FAM110B: variants seen among roughly 807,000 people sequenced by gnomAD.
FAM110B encodes the protein protein FAM110B.
In FAM110B, 6 loss-of-function variants were observed where a neutral mutation model predicts 20.4. The observed-to-expected ratio is 0.29, with a 90% CI of 0.16 to 0.58. FAM110B has a LOEUF of 0.58. FAM110B is among the 20% of genes least tolerant of loss of function. The probability of loss-of-function intolerance (pLI) is 0.90; values close to 1 mark genes in which losing one functional copy is unlikely to be tolerated. For missense variants in FAM110B, 434 were observed against 498.2 expected, an observed-to-expected ratio of 0.87 and a Z score of 1.23; for synonymous variants, 226 against 214.1, an observed-to-expected ratio of 1.06 and a Z score of -0.49.
chr8:58,065,832 G>A (rs549828872), intron 2 of FAM110B, among the ~76,000 whole-genome samples: 68 of 152,238 alleles, frequency 4.5e-4, no homozygotes, highest in Non-Finnish European at 9.4e-4. Flanking sequence ...GATACTATAT[G>A]TGACGTTTCC....
intron 3 of FAM110B, among the ~76,000 whole-genome samples, chr8:58,117,060 C>T (rs1807231785): frequency 6.6e-6 from 1 of 152,148 alleles, no homozygotes; most frequent in Non-Finnish European, 1.5e-5. Context: ...AGCAAAGAGC[C>T]TCTATTGTGG....
chr8:58,089,139 G>T (rs1806410536), intron 3 of FAM110B, among the ~76,000 whole-genome samples: 1 of 152,158 alleles, frequency 6.6e-6, no homozygotes, highest in African/African-American at 2.4e-5. Flanking sequence ...GCACATTTTT[G>T]CATCAGCCAC....
rs1803856964 is a variant in FAM110B, at chr8:58,146,136, C to A, written c.-95C>A. ...GACACTCGCTCCCAGGCTGCACCCG[C>A]CGCCCTTGGCGCTTCATGTACATGT... On this transcript the variant is annotated 5_prime_UTR_variant, in exon 4 of 4. Coordinates refer to ENST00000519262, the MANE Select transcript of FAM110B (RefSeq NM_001377989.1). 1 of 1,439,086 alleles carries A rather than the reference C, an allele frequency of 6.9e-7. No homozygotes were observed. Among genetic ancestry groups the A allele is most frequent in the Admixed American group, 2.5e-5 (1 of 39,584 alleles). The allele number at this position is 1,439,086 out of a possible 1,614,324, so 89.1% of individuals were successfully genotyped here.
rs1346585043 is a variant in FAM110B, at chr8:58,131,253, G to T, written c.-324-14654G>T. ...GTATCAATGCATTTTTCTTTCTGTT[G>T]TGTCATTCCCAACATGCTGCCTTTT... On this transcript the variant is annotated intron_variant, in intron 3 of 3. Coordinates refer to ENST00000519262, the MANE Select transcript of FAM110B (RefSeq NM_001377989.1). Among the ~76,000 whole-genome samples, 3 of 151,988 alleles carry T rather than the reference G, an allele frequency of 2.0e-5. No individual in the cohort carries two copies. In the South Asian group the frequency reaches 6.2e-4, roughly 31 times the overall value.
chr8:58,095,334 G>T (rs1806596159), intron 3 of FAM110B, among the ~76,000 whole-genome samples: 1 of 152,054 alleles, frequency 6.6e-6, no homozygotes, highest in African/African-American at 2.4e-5. Flanking sequence ...TGATGTTAGG[G>T]TGTCGATTTT....
intron 3 of FAM110B, among the ~76,000 whole-genome samples, chr8:58,080,972 T>C (rs1806175233): frequency 6.6e-6 from 1 of 152,164 alleles, no homozygotes; most frequent in Non-Finnish European, 1.5e-5. Context: ...CAGCTTTCAC[T>C]CACCATGACA....
intron 3 of FAM110B, among the ~76,000 whole-genome samples, chr8:58,087,257 C>T (rs1185789047): frequency 2.6e-5 from 4 of 152,150 alleles, no homozygotes; most frequent in South Asian, 2.1e-4. Flanking sequence ...CAGCGCTGTG[C>T]GTCACCTTCT....
chr8:58,148,166 GTT>G lies in FAM110B; in HGVS notation c.*842_*843del, dbSNP rs377258015. On this transcript the variant is annotated 3_prime_UTR_variant, in exon 4 of 4. Transcript: ENST00000519262. The stretch of plus-strand genomic sequence containing the variant: ...AAAAAAAAAAAAGTTGTGGTTTTTT[GTT>G]TTTTTTTTTTTTTTTTTTGGTCGAG... 8.3e-4 allele frequency: 79 copies of G among 95,420 alleles called. No individual in the cohort carries two copies. The highest frequency in any genetic ancestry group is 3.4e-3 in the African/African-American group (73 of 21,396). 5.9% of individuals were successfully genotyped at this position (95,420 alleles called of 1,614,324 possible). A position where few individuals can be genotyped will look rare whatever the true frequency, so the allele number is the denominator to read the frequency against.
intron 2 of FAM110B, among the ~76,000 whole-genome samples, chr8:58,038,576 A>T (rs1475865838): frequency 1.3e-5 from 2 of 152,158 alleles, no homozygotes; most frequent in African/African-American, 4.8e-5. Context: ...ACATGGTGAA[A>T]CCCCATCTCT....
chr8:58,121,466 T>C (rs1807359731), intron 3 of FAM110B, among the ~76,000 whole-genome samples: 2 of 152,220 alleles, frequency 1.3e-5, no homozygotes, highest in Non-Finnish European at 2.9e-5. Flanking sequence ...GGAAAACCTG[T>C]AGGAATGTTT....
At chr8:58,133,652 G>A (rs1803541899) in intron 3 of FAM110B, among the ~76,000 whole-genome samples, 1 of 152,242 alleles carries the variant, frequency 6.6e-6, no homozygotes, top group Non-Finnish European at 1.5e-5. Context: ...GCAGGCATCA[G>A]AGAGCCTGGG....
chr8:58,014,891 T>G (rs961794910), intron 1 of FAM110B, among the ~76,000 whole-genome samples: 3 of 152,236 alleles, frequency 2.0e-5, no homozygotes, highest in African/African-American at 7.2e-5. Context: ...GTGTAGTGAT[T>G]ATTAGAAATT....
intron 3 of FAM110B, among the ~76,000 whole-genome samples, chr8:58,133,388 G>C (rs1803532138): frequency 6.6e-6 from 1 of 152,084 alleles, no homozygotes; most frequent in African/African-American, 2.4e-5. Context: ...AAACTCTGCT[G>C]TCCGCCAGTA....
intron 2 of FAM110B, among the ~76,000 whole-genome samples, chr8:58,061,234 A>G (rs1248286331): frequency 2.0e-5 from 3 of 152,184 alleles, no homozygotes; most frequent in Non-Finnish European, 4.4e-5. Flanking sequence ...AATACCATCA[A>G]GCTATCAGGT....
intron 3 of FAM110B, among the ~76,000 whole-genome samples, chr8:58,135,943 G>A (rs896232739): frequency 2.7e-5 from 4 of 150,908 alleles, no homozygotes; most frequent in Non-Finnish European, 5.9e-5. Context: ...TGGAAGGTGT[G>A]CCTGGTTCAC....
intron 3 of FAM110B, among the ~76,000 whole-genome samples, chr8:58,124,422 A>C (rs1471646675): frequency 3.3e-5 from 5 of 152,216 alleles, no homozygotes; most frequent in Non-Finnish European, 7.3e-5. Context: ...AGCCAAACAG[A>C]TGGAACAGCC....
chr8:58,054,323 A>G (rs1805511541), intron 2 of FAM110B, among the ~76,000 whole-genome samples: 2 of 152,192 alleles, frequency 1.3e-5, no homozygotes, highest in African/African-American at 4.8e-5. Context: ...TCTAGCACCA[A>G]CTAGAAACAG....
intron 3 of FAM110B, among the ~76,000 whole-genome samples, chr8:58,104,962 GAAAA>G (rs374878667): frequency 7.9e-6 from 1 of 126,098 alleles, no homozygotes. Flanking sequence ...TTCTTTAAAG[GAAAA>G]AAAAAAAAAA....
intron 1 of FAM110B, among the ~76,000 whole-genome samples, chr8:58,005,092 C>T (rs1010007470): frequency 6.6e-6 from 1 of 152,182 alleles, no homozygotes; most frequent in South Asian, 2.1e-4. Flanking sequence ...CCTCATTAAG[C>T]AAAATCATTT....
Sources: allele counts gnomAD v4.1 joint callset (sites outside exome capture counted in the v4.1 genomes callset), GRCh38; gene constraint gnomAD v4.1.1; transcripts MANE v1.5; gene names NCBI Gene and HGNC (gene_info 2026-07-23, HGNC 2026-07-21).